Variants in MGAT4C observed in about 807,000 individuals in gnomAD.
The protein encoded by MGAT4C is MGAT4 family member C.
In MGAT4C, 19 loss-of-function variants were observed where a neutral mutation model predicts 40.1. That is an observed-to-expected ratio of 0.47 (90% confidence interval 0.33 to 0.70). The LOEUF is 0.70. Ranked by LOEUF, MGAT4C falls within the 30% of genes least tolerant of loss-of-function variation. The probability of loss-of-function intolerance (pLI) is 0.02; values close to 1 mark genes in which losing one functional copy is unlikely to be tolerated. For missense variants in MGAT4C, 491 were observed against 563.2 expected (o/e 0.87, Z 1.30); for synonymous variants, 181 against 187.1 (o/e 0.97, Z 0.27).
chr12:86,111,817 A>G (rs1031898598), intron 1 of MGAT4C, among the ~76,000 whole-genome samples: 3 of 151,862 alleles, frequency 2.0e-5, no homozygotes, highest in Non-Finnish European at 4.4e-5. Context: ...GCCAAGTTCA[A>G]TAAAAGACAA....
chr12:86,394,991 A>C (rs1956232085), intron 3 of MGAT4C, among the ~76,000 whole-genome samples: 1 of 152,068 alleles, frequency 6.6e-6, no homozygotes, highest in Non-Finnish European at 1.5e-5. Context: ...TACATTTATG[A>C]GTCCCCTTTC....
rs571346032 is a variant in MGAT4C at position 86,074,257 on chromosome 12, C to T, written c.-56-24534G>A. Among the ~76,000 whole-genome samples, 12 of 151,888 alleles carry T rather than the reference C, an allele frequency of 7.9e-5. No homozygotes were observed. The South Asian group carries it at 8.3e-4, about 11-fold the overall frequency. On this transcript the variant is annotated intron_variant, in intron 1 of 4. Coordinates refer to ENST00000611864, the MANE Select transcript of MGAT4C (RefSeq NM_001351288.2). Reference sequence around the variant, plus strand: ...TTAAATCTCTTTTAGTTCTCAGTTTCGGGTATGTCTTTATCAGCAGTGTGA... The same window carrying T: ...TTAAATCTCTTTTAGTTCTCAGTTTTGGGTATGTCTTTATCAGCAGTGTGA...
At chr12:86,479,568 A>G (rs1289950191) in intron 2 of MGAT4C, among the ~76,000 whole-genome samples, 1 of 151,888 alleles carries the variant, frequency 6.6e-6, no homozygotes, top group Non-Finnish European at 1.5e-5. Context: ...TTTTTTTTAT[A>G]CTTGAAATAC....
intron 3 of MGAT4C, among the ~76,000 whole-genome samples, chr12:86,374,592 A>C (rs777132307): frequency 8.5e-5 from 13 of 152,128 alleles, no homozygotes; most frequent in Non-Finnish European, 1.3e-4. Flanking sequence ...AGATGTTTAC[A>C]ATTTATTCCA....
intron 4 of MGAT4C, among the ~76,000 whole-genome samples, chr12:86,333,243 A>G (rs1954711811): frequency 6.6e-6 from 1 of 152,186 alleles, no homozygotes; most frequent in Non-Finnish European, 1.5e-5. Context: ...TCACAAAGCA[A>G]ACAGCCCCCA....
chr12:86,408,868 G>C (rs1956544341), intron 3 of MGAT4C, among the ~76,000 whole-genome samples: 1 of 151,868 alleles, frequency 6.6e-6, no homozygotes, highest in African/African-American at 2.4e-5. Context: ...CTTCTAAATA[G>C]TATATAACCT....
chr12:86,075,692 C>T (rs1869550036), intron 1 of MGAT4C, among the ~76,000 whole-genome samples: 1 of 152,234 alleles, frequency 6.6e-6, no homozygotes, highest in Admixed American at 6.5e-5. Flanking sequence ...GATTCCCAAA[C>T]CGCAATTCTT....
chr12:86,066,872 A>C (rs996266120), intron 1 of MGAT4C, among the ~76,000 whole-genome samples: 14 of 151,986 alleles, frequency 9.2e-5, no homozygotes, highest in East Asian at 1.9e-4. Context: ...AAGAAAAAAA[A>C]CCACCACATC....
chr12:86,631,069 A>C (rs537200886), intron 2 of MGAT4C, among the ~76,000 whole-genome samples: 6 of 152,304 alleles, frequency 3.9e-5, no homozygotes, highest in African/African-American at 1.2e-4. Context: ...CAGGATACAA[A>C]ATCAATGTGC....
At chr12:86,457,750 T>C (rs1412004376) in intron 2 of MGAT4C, among the ~76,000 whole-genome samples, 1 of 152,108 alleles carries the variant, frequency 6.6e-6, no homozygotes, top group Non-Finnish European at 1.5e-5. Flanking sequence ...CTACTATGCC[T>C]ACCCACTAAA....
chr12:86,764,463 A>T (rs1374091609), intron 1 of MGAT4C, among the ~76,000 whole-genome samples: 2 of 151,830 alleles, frequency 1.3e-5, no homozygotes, highest in African/African-American at 4.8e-5. Context: ...AGACAGCAGT[A>T]ACCTCTGCAG....
chr12:86,637,713 A>G (rs1307950865), intron 2 of MGAT4C, among the ~76,000 whole-genome samples: 2 of 151,826 alleles, frequency 1.3e-5, no homozygotes, highest in Non-Finnish European at 2.9e-5. Context: ...TGCATTTTAA[A>G]TCTCATTTTT....
intron 2 of MGAT4C, among the ~76,000 whole-genome samples, chr12:86,486,378 A>G (rs775402417): frequency 9.3e-3 from 174 of 18,802 alleles, no homozygotes; most frequent in Non-Finnish European, 0.012. Context: ...TCTATCATGC[A>G]CACACACACA....
At chr12:86,507,604 G>A (rs1043272932) in intron 2 of MGAT4C, among the ~76,000 whole-genome samples, 5 of 152,166 alleles carry the variant, frequency 3.3e-5, no homozygotes, top group Non-Finnish European at 7.3e-5. Context: ...AACCCCTCAT[G>A]TGGAGCCAAG....
upstream of MGAT4C, among the ~76,000 whole-genome samples, chr12:86,258,309 A>G (rs1201398057): frequency 6.7e-6 from 1 of 149,030 alleles, no homozygotes; most frequent in Non-Finnish European, 1.5e-5. Context: ...CTATCTATCT[A>G]TCTATCTATC....
chr12:86,031,463 T>C (rs572860266), intron 2 of MGAT4C, among the ~76,000 whole-genome samples: 3 of 151,982 alleles, frequency 2.0e-5, no homozygotes, highest in South Asian at 2.1e-4. Flanking sequence ...AAATATTACA[T>C]AAATATTTAA....
rs1412664507 is a variant in MGAT4C, at chr12:85,972,655, A to C, written c.*6634T>G. 1.3e-5 allele frequency: 2 copies of C among 151,012 alleles called. No individual in the cohort carries two copies. The highest frequency in any genetic ancestry group is 4.8e-5 in the African/African-American group (2 of 41,330). 9.4% of individuals were successfully genotyped at this position (151,012 alleles called of 1,614,324 possible). A position where few individuals can be genotyped will look rare whatever the true frequency, so the allele number is the denominator to read the frequency against. On this transcript the variant is annotated 3_prime_UTR_variant, in exon 5 of 5. Coordinates refer to ENST00000611864, the MANE Select transcript of MGAT4C (RefSeq NM_001351288.2). Reference sequence around the variant, plus strand: ...TGACCAAAAATGCACAGTTGTAAGAATGCAAGTGTTACTTGTATTGAAAAC... The same window carrying C: ...TGACCAAAAATGCACAGTTGTAAGACTGCAAGTGTTACTTGTATTGAAAAC...
intron 1 of MGAT4C, among the ~76,000 whole-genome samples, chr12:86,140,715 A>G (rs1218222951): frequency 6.6e-6 from 1 of 152,174 alleles, no homozygotes; most frequent in Non-Finnish European, 1.5e-5. Context: ...AATAGGTTCA[A>G]TCATAGTTTC....
At chr12:86,756,464 G>A (rs1418150694) in intron 1 of MGAT4C, among the ~76,000 whole-genome samples, 1 of 151,604 alleles carries the variant, frequency 6.6e-6, no homozygotes, top group Non-Finnish European at 1.5e-5. Flanking sequence ...ACAGAGATAT[G>A]CTCCCCTCTA....
Sources: gnomAD v4.1 joint callset for allele counts (sites outside exome capture counted in the v4.1 genomes callset) on GRCh38, gnomAD v4.1.1 for gene constraint, MANE v1.5 for transcripts, NCBI Gene and HGNC (gene_info 2026-07-23, HGNC 2026-07-21) for gene names.